MOV10L1: variants seen among roughly 807,000 people sequenced by gnomAD.
MOV10L1 encodes Mov10 like RNA helicase 1.
MOV10L1 carries 110 observed loss-of-function variants against 143.8 expected under a neutral mutation model. That is an observed-to-expected ratio of 0.76 (90% CI 0.66 to 0.90). The LOEUF is 0.90. Ranked by LOEUF, MOV10L1 falls within the 40% of genes least tolerant of loss-of-function variation. The pLI, the probability that MOV10L1 is intolerant of heterozygous loss-of-function variation, is 0.00. For missense variants in MOV10L1, 1,406 were observed against 1,526.8 expected (o/e 0.92, Z 1.32); for synonymous variants, 593 against 581.1 (o/e 1.02, Z -0.29).
chr22:50,090,483 T>A (rs2062401096), intron 1 of MOV10L1: 2 of 1,610,344 alleles, frequency 1.2e-6, no homozygotes, highest in East Asian at 4.5e-5. Flanking sequence ...TCCATGTCGT[T>A]CCTCCCTGTC....
At chr22:50,107,351 C>T (rs1165587486) in intron 3 of MOV10L1, among the ~76,000 whole-genome samples, 3 of 152,234 alleles carry the variant, frequency 2.0e-5, no homozygotes, top group East Asian at 1.9e-4. Context: ...CGTGAGCCAC[C>T]GCGCTTGGCC....
intron 6 of MOV10L1, 129 bp from the exon 7 acceptor site, chr22:50,114,252 C>A: frequency 8.6e-7 from 1 of 1,160,664 alleles, no homozygotes; most frequent in Admixed American, 2.7e-5. Context: ...CCAAAAATGA[C>A]CTTTTGACTT....
Position 50,145,775 on chromosome 22 carries a change from C to T in MOV10L1, c.2592C>T (p.Cys864=), listed in dbSNP as rs1198090136. 1.9e-6 allele frequency: 3 copies of T among 1,614,138 alleles called. No individual in the cohort carries two copies. Among genetic ancestry groups the T allele is most frequent in the Non-Finnish European group, 2.5e-6 (3 of 1,180,028 alleles). ...ASRFRIIITT[C]SSSGLFYQIG... Reference sequence around the variant, plus strand: ...GCTTCCGGATAATCATCACCACATGCAGCAGCTCAGGGCTGTTTTACCAAA... The same window carrying T: ...GCTTCCGGATAATCATCACCACATGTAGCAGCTCAGGGCTGTTTTACCAAA... The change falls in exon 19 of 27, where the codon TGC becomes TGT. Residue 864 remains cysteine, a synonymous_variant. Transcript: ENST00000262794.
chr22:50,133,504 T>A (rs1294133122), intron 13 of MOV10L1, among the ~76,000 whole-genome samples: 1 of 136,594 alleles, frequency 7.3e-6, no homozygotes, highest in Non-Finnish European at 1.6e-5. Context: ...TTTTGTCCCA[T>A]GCTTTTTTTT....
At chr22:50,143,367 GT>G (rs1394696215) in intron 17 of MOV10L1, 146 bp downstream of exon 17, 2 of 949,816 alleles carry the variant, frequency 2.1e-6, no homozygotes, top group Non-Finnish European at 3.3e-6. Flanking sequence ...TGTTAAGTCT[GT>G]TTTTGTGGAT....
In MOV10L1 at chr22:50,124,381, G is replaced by A. The variant is rs374879746; in HGVS notation, c.1570-1011G>A. ...TTATCTTTGCTCTTTTGCACATAAC[G>A]TTGTTTTTTCTTAGCTGCTTTTAAG... On this transcript the variant is annotated intron_variant, in intron 10 of 26. Coordinates refer to ENST00000262794, the MANE Select transcript of MOV10L1 (RefSeq NM_018995.3). Among the ~76,000 whole-genome samples the A allele has an allele frequency of 7.2e-5, 11 of 152,184 alleles. No individual in the cohort carries two copies. The South Asian group carries it at 1.2e-3, about 17-fold the overall frequency.
intron 9 of MOV10L1, among the ~76,000 whole-genome samples, chr22:50,117,922 T>C (rs1395230668): frequency 6.6e-6 from 1 of 152,102 alleles, no homozygotes; most frequent in Non-Finnish European, 1.5e-5. Context: ...TCTGTAGTTA[T>C]AAAACGAAAA....
At chr22:50,126,626 T>A (rs903176393) in intron 12 of MOV10L1, among the ~76,000 whole-genome samples, 1 of 152,120 alleles carries the variant, frequency 6.6e-6, no homozygotes, top group African/African-American at 2.4e-5. Flanking sequence ...GTGAAGGTGG[T>A]TTTTTTGGCT....
rs1308677932 is a variant in MOV10L1, at chr22:50,161,038, A to C, written c.3537A>C (p.Ala1179=). The part of the protein sequence containing the change: ...GVYMGCDLPP[A]LQSLQNCGEG... ...ACATGGGATGCGATTTACCTCCTGC[A>C]CTGCAGTCTCTGCAAAAGTGAGCGC... The change falls in exon 26 of 27, where the codon GCA becomes GCC. Residue 1179 remains alanine (A), a synonymous_variant. Coordinates refer to ENST00000262794, the MANE Select transcript of MOV10L1 (RefSeq NM_018995.3). The C allele has an allele frequency of 6.2e-7, 1 of 1,614,100 alleles. No individual in the cohort carries two copies. Among genetic ancestry groups the C allele is most frequent in the East Asian group, 2.2e-5 (1 of 44,886 alleles).
intron 15 of MOV10L1, among the ~76,000 whole-genome samples, chr22:50,135,350 A>G (rs2062795380): frequency 6.6e-6 from 1 of 151,980 alleles, no homozygotes; most frequent in Admixed American, 6.6e-5. Context: ...TTATGTGTAC[A>G]CTTAGGTACA....
At chr22:50,111,921 C>T (rs113216960) in intron 5 of MOV10L1, among the ~76,000 whole-genome samples, 82 of 152,332 alleles carry the variant, frequency 5.4e-4, no homozygotes, top group African/African-American at 1.8e-3. Context: ...TTGGGGAAAG[C>T]GTCTGCTTTC....
chr22:50,099,558 G>A lies in MOV10L1; in HGVS notation c.398G>A (p.Cys133Tyr), dbSNP rs1350807569. ...ACTTCCCTGGTGGAGGGCGCAGGCT[G>A]TATCAGTCAGACCACCTACTTCTCT... is the stretch of plus-strand genomic sequence containing the variant. ...CVTSLVEGAGCISQTTYFSLE... is the reference protein window; with the variant it reads ...CVTSLVEGAGYISQTTYFSLE... The change falls in exon 3 of 27, where the codon TGT (cysteine) becomes TAT (tyrosine). Residue 133 changes from cysteine to tyrosine, a missense_variant. This residue lies in a region of MOV10L1 where 7 missense variants were observed against 21.4 expected (regional missense o/e 0.33). Transcript: ENST00000262794. 1.2e-6 allele frequency: 2 copies of A among 1,614,074 alleles called. No individual in the cohort carries two copies. The highest frequency in any genetic ancestry group is 1.3e-5 in the African/African-American group (1 of 74,946).
At chr22:50,141,175 C>T (rs956569231) in intron 15 of MOV10L1, among the ~76,000 whole-genome samples, 13 of 152,046 alleles carry the variant, frequency 8.6e-5, no homozygotes, top group Non-Finnish European at 1.8e-4. Flanking sequence ...CTCAGCCTCC[C>T]GAGTAGCTGG....
At chr22:50,149,923 G>A (rs191574766) in intron 20 of MOV10L1, among the ~76,000 whole-genome samples, 128 of 152,334 alleles carry the variant, frequency 8.4e-4, no homozygotes, top group African/African-American at 2.8e-3. Context: ...CTTGTAAAAC[G>A]GAGGTAAGAG....
rs1055806656 is a variant in MOV10L1 at position 50,127,824 on chromosome 22, G to A, written c.1819-592G>A. ...TTCTCACTCTGTCACCCAGCCTGGA[G>A]TACAGTGGTACGATCTTGGCTCACT... is the stretch of plus-strand genomic sequence containing the variant. On this transcript the variant is annotated intron_variant, in intron 12 of 26. Transcript: ENST00000262794. 3.3e-5 allele frequency among the ~76,000 whole-genome samples: 5 copies of A among 151,676 alleles called. No individual in the cohort carries two copies. The Middle Eastern group carries it at 0.01, about 310-fold the overall frequency.
chr22:50,154,799 A>G (rs2063385522), intron 22 of MOV10L1, among the ~76,000 whole-genome samples: 1 of 152,156 alleles, frequency 6.6e-6, no homozygotes, highest in Non-Finnish European at 1.5e-5. Flanking sequence ...TATCTTCCTC[A>G]TTATGTAATA....
rs35222089 is a variant in MOV10L1, at chr22:50,159,601, CAA to C, written c.3217-66_3217-65del. 2.2e-3 allele frequency: 1,776 copies of C among 822,140 alleles called. No individual in the cohort carries two copies. Among genetic ancestry groups the C allele is most frequent in the Middle Eastern group, 2.9e-3 (9 of 3,156 alleles). The allele number at this position is 822,140 out of a possible 1,614,324, so 50.9% of individuals were successfully genotyped here. ...TGGGTGACAGAGTAATACTCCATCT[CAA>C]AAAAAAAAAAGGAAAAGAAAAGAAA... On this transcript the variant is annotated intron_variant, in intron 23 of 26. Coordinates refer to ENST00000262794, the MANE Select transcript of MOV10L1 (RefSeq NM_018995.3). The surrounding 1 kb of genome is among the most constrained non-coding windows in gnomAD (Gnocchi z 4.1).
At chr22:50,127,074 C>G (rs771682620) in intron 12 of MOV10L1, among the ~76,000 whole-genome samples, 16 of 152,114 alleles carry the variant, frequency 1.1e-4, no homozygotes, top group Non-Finnish European at 2.4e-4. Flanking sequence ...ATGTGAGACA[C>G]GAGTGACATG....
intron 1 of MOV10L1, chr22:50,090,422 C>T (rs1053915189): frequency 2.5e-6 from 4 of 1,588,544 alleles, no homozygotes; most frequent in Non-Finnish European, 3.4e-6. Context: ...ACCAGCCCCT[C>T]TTCCCGCCCT....
Sources: allele counts gnomAD v4.1 joint callset (sites outside exome capture counted in the v4.1 genomes callset), GRCh38; gene constraint gnomAD v4.1.1; regional missense constraint gnomAD v4.1.1; non-coding constraint Gnocchi (gnomAD v3.1); transcripts MANE v1.5; gene names NCBI Gene and HGNC (gene_info 2026-07-23, HGNC 2026-07-21).